Variants in NKX2-5 observed in about 807,000 individuals in gnomAD.
NKX2-5 encodes NK2 homeobox 5.
In NKX2-5, 3 loss-of-function variants were observed where a neutral mutation model predicts 24.5. The observed-to-expected ratio is 0.12, with a 90% CI of 0.06 to 0.32. The LOEUF (loss-of-function observed/expected upper bound fraction) is 0.32, where lower values mean the gene tolerates loss of function less well. NKX2-5 is among the 10% of genes least tolerant of loss of function. The pLI is 1.00. For synonymous variants in NKX2-5, 215 were observed against 217.6 expected, an observed-to-expected ratio of 0.99 and a Z score of 0.11; for missense variants, 429 against 452.4, an observed-to-expected ratio of 0.95 and a Z score of 0.47.
intron 1 of NKX2-5, chr5:173,234,025 G>T: frequency 8.6e-6 from 11 of 1,279,822 alleles, no homozygotes; most frequent in Non-Finnish European, 1.1e-5. Flanking sequence ...TCCTGGGATG[G>T]CCTGCGGGAT....
At chr5:173,233,962 G>A in intron 1 of NKX2-5, 1 of 1,208,918 alleles carries the variant, frequency 8.3e-7, no homozygotes, top group Non-Finnish European at 1.1e-6. Flanking sequence ...GCCTTGGGCT[G>A]GGGGGTCTCC....
In NKX2-5 at chr5:173,234,979, G is replaced by GCA. The variant is rs1409391571; in HGVS notation, c.104_105insTG (p.Arg36AlafsTer141). 6.2e-7 allele frequency: 1 copy of GCA among 1,612,186 alleles called. No homozygotes were observed. On this transcript the variant is annotated frameshift_variant, in exon 1 of 2. Coordinates refer to ENST00000329198, the MANE Select transcript of NKX2-5 (RefSeq NM_004387.4). LOFTEE classifies it high-confidence loss of function. ...AGGGCGCCAGGGTCGCCTCCAGGCGGGCAGAGAGCTCTCCGGCGGCAGCCA... is the reference window on the plus strand; with the variant it reads ...AGGGCGCCAGGGTCGCCTCCAGGCGGCAGCAGAGAGCTCTCCGGCGGCAGCCA...
rs772727682 is a variant in NKX2-5, at chr5:173,235,085, G to A, written c.-2C>T. ...CGTGAGAGCAGGGCTGGGGAACATG[G>A]TGGCAGCGCCAGTCTCACAGCGCCA... On this transcript the variant is annotated 5_prime_UTR_variant, in exon 1 of 2. Coordinates refer to ENST00000329198, the MANE Select transcript of NKX2-5 (RefSeq NM_004387.4). 1.5e-5 allele frequency: 24 copies of A among 1,601,638 alleles called. No homozygotes were observed. Among genetic ancestry groups the A allele is most frequent in the Non-Finnish European group, 2.0e-5 (24 of 1,175,540 alleles).
In NKX2-5 at chr5:173,235,118, G is replaced by A. The variant is rs1478762872; in HGVS notation, c.-35C>T. ...GCCAGTCTCACAGCGCCAGGTGGGC[G>A]GCAGAAAGCGGCGCTGCCCACGGCC... On this transcript the variant is annotated 5_prime_UTR_variant, in exon 1 of 2. Coordinates refer to ENST00000329198, the MANE Select transcript of NKX2-5 (RefSeq NM_004387.4). The A allele has an allele frequency of 5.7e-6, 9 of 1,570,868 alleles. No homozygotes were observed. The highest frequency in any genetic ancestry group is 7.8e-6 in the Non-Finnish European group (9 of 1,160,898).
Position 173,235,193 on chromosome 5 carries a change from CCA to C in NKX2-5, c.-112_-111del. ...CGCCGCCCGCCCGCGCACCCGTCGG[CCA>C]GCTCTGGATGTGTCCGGGCAGCAGG... On this transcript the variant is annotated 5_prime_UTR_variant, in exon 1 of 2. Transcript: ENST00000329198. 1 of 1,135,242 alleles carries C rather than the reference CCA, an allele frequency of 8.8e-7. No individual in the cohort carries two copies. 70.3% of individuals were successfully genotyped at this position (1,135,242 alleles called of 1,614,324 possible). A position where few individuals can be genotyped will look rare whatever the true frequency, so the allele number is the denominator to read the frequency against.
At position 173,232,734 on chromosome 5, in the gene NKX2-5, G is replaced by A; in HGVS notation, c.810C>T (p.Cys270=). Residue 270 remains cysteine, a synonymous_variant, in exon 2 of 2, where the codon TGC becomes TGT. Coordinates refer to ENST00000329198, the MANE Select transcript of NKX2-5 (RefSeq NM_004387.4). This position sits in a 1 kb window ranked among gnomAD's most constrained non-coding sequence, Gnocchi z 5.9. ...GGAACSPGYS[C]TAAYPAGPSP... is the part of the protein sequence containing the mutation. ...AAGGCCCGGCGGGGTAAGCGGCAGT[G>A]CAGCTGTAGCCAGGGCTGCAGGCCG... The A allele has an allele frequency of 6.2e-7, 1 of 1,606,506 alleles. No individual in the cohort carries two copies. Among genetic ancestry groups the A allele is most frequent in the South Asian group, 1.1e-5 (1 of 90,736 alleles).
chr5:173,233,967 G>C, intron 1 of NKX2-5: 1 of 1,214,220 alleles, frequency 8.2e-7, no homozygotes, highest in Non-Finnish European at 1.0e-6. Flanking sequence ...GGGCTGGGGG[G>C]TCTCCCAGAA....
intron 1 of NKX2-5, 64 bp from the exon 2 acceptor site, chr5:173,233,273 C>A (rs931435740): frequency 1.3e-5 from 20 of 1,563,886 alleles, no homozygotes; most frequent in Non-Finnish European, 1.7e-5. Context: ...GGAGCGCGGC[C>A]GCACAGTAAT....
At chr5:173,234,242 A>G in intron 1 of NKX2-5, 1 of 1,214,888 alleles carries the variant, frequency 8.2e-7, no homozygotes, top group Non-Finnish European at 1.0e-6. Context: ...GCAAAGAAAG[A>G]AAGGCACCAG....
Position 173,232,603 on chromosome 5 carries a change from C to T in NKX2-5, c.941G>A (p.Gly314Glu), listed in dbSNP as rs200152391. ...QSPGIPQSNSGVSTLHGIRAW is the reference protein window; with the variant it reads ...QSPGIPQSNSEVSTLHGIRAW Reference sequence around the variant, plus strand: ...TCGGATACCATGCAGCGTGGACACTCCCGAGTTGCTCTGCGGAATCCCGGG... The same window carrying T: ...TCGGATACCATGCAGCGTGGACACTTCCGAGTTGCTCTGCGGAATCCCGGG... Residue 314 changes from glycine to glutamate, a missense_variant, in exon 2 of 2, where the codon GGA becomes GAA. Gly to Glu is a moderately conservative substitution (Grantham distance 98, BLOSUM62 -2). Around this residue, in one of 3 missense-constraint regions of NKX2-5, gnomAD observed 183 missense variants for 185.9 expected, o/e 0.98. Transcript: ENST00000329198. This position sits in a 1 kb window ranked among gnomAD's most constrained non-coding sequence, Gnocchi z 5.9. The T allele has an allele frequency of 3.1e-6, 5 of 1,612,602 alleles. No homozygotes were observed. The highest frequency in any genetic ancestry group is 2.2e-5 in the East Asian group (1 of 44,880).
chr5:173,233,127 C>T lies in NKX2-5; in HGVS notation c.417G>A (p.Arg139=), dbSNP rs1451105190. 6.2e-7 allele frequency: 1 copy of T among 1,600,800 alleles called. No individual in the cohort carries two copies. Among genetic ancestry groups the T allele is most frequent in the Non-Finnish European group, 8.5e-7 (1 of 1,175,108 alleles). ...NAERPRARRR[R]KPRVLFSQAQ... is the part of the protein sequence containing the mutation. ...CCTGCGAGAAGAGCACGCGCGGCTT[C>T]CTCCGCCGTCGCGCCCGGGGCCGCT... Residue 139 remains arginine, a synonymous_variant, in exon 2 of 2, where the codon AGG becomes AGA. Transcript: ENST00000329198.
intron 1 of NKX2-5, 86 bp downstream of exon 1, chr5:173,234,664 G>A: frequency 8.2e-7 from 1 of 1,218,592 alleles, no homozygotes; most frequent in Admixed American, 3.2e-5. Context: ...CGGCCCAAGG[G>A]CGCGTGTCTC....
rs1346407541 is a variant in NKX2-5 at position 173,234,115 on chromosome 5, C to A, written c.334+635G>T. The A allele has an allele frequency of 4.7e-6, 6 of 1,289,334 alleles. No individual in the cohort carries two copies. The South Asian group carries it at 6.2e-5, about 13-fold the overall frequency. The allele number at this position is 1,289,334 out of a possible 1,614,324, so 79.9% of individuals were successfully genotyped here. ...TAACTTTTCCACGAGGGAACCTCTC[C>A]GCCCTGGCCGCGCCGGCAAGTTGTG... On this transcript the variant is annotated intron_variant, in intron 1 of 1. Coordinates refer to ENST00000329198, the MANE Select transcript of NKX2-5 (RefSeq NM_004387.4).
At chr5:173,233,437 G>T in intron 1 of NKX2-5, 2 of 1,534,982 alleles carry the variant, frequency 1.3e-6, no homozygotes, top group South Asian at 2.4e-5. Context: ...CAAAACGGGA[G>T]GTCTCTGCCC....
rs550046293 is a variant in NKX2-5, at chr5:173,234,786, G to T, written c.298C>A (p.Pro100Thr). Residue 100 changes from proline to threonine, a missense_variant, in exon 1 of 2, where the codon CCC (proline) becomes ACC (threonine). Coordinates refer to ENST00000329198, the MANE Select transcript of NKX2-5 (RefSeq NM_004387.4). ...PAFYPRAYSD[P>T]DPAKDPRAEK... is the part of the protein sequence containing the mutation. ...GCTCTAGGGTCCTTGGCTGGGTCGGGGTCGCTGTAGGCACGTGGATAGAAG... is the reference window on the plus strand; with the variant it reads ...GCTCTAGGGTCCTTGGCTGGGTCGGTGTCGCTGTAGGCACGTGGATAGAAG... 12 of 1,570,500 alleles carry T rather than the reference G, an allele frequency of 7.6e-6. No individual in the cohort carries two copies. The highest frequency in any genetic ancestry group is 5.9e-5 in the South Asian group (5 of 84,464).
Position 173,235,188 on chromosome 5 carries a change from G to T in NKX2-5, c.-105C>A. 8.6e-7 allele frequency: 1 copy of T among 1,168,820 alleles called. No individual in the cohort carries two copies. Among genetic ancestry groups the T allele is most frequent in the Non-Finnish European group, 1.2e-6 (1 of 838,430 alleles). 72.4% of individuals were successfully genotyped at this position (1,168,820 alleles called of 1,614,324 possible). A position where few individuals can be genotyped will look rare whatever the true frequency, so the allele number is the denominator to read the frequency against. On this transcript the variant is annotated 5_prime_UTR_variant, in exon 1 of 2. Coordinates refer to ENST00000329198, the MANE Select transcript of NKX2-5 (RefSeq NM_004387.4). ...GGTGCCGCCGCCCGCCCGCGCACCC[G>T]TCGGCCAGCTCTGGATGTGTCCGGG...
In NKX2-5 at chr5:173,232,647, G is replaced by A. The variant is rs1060504828; in HGVS notation, c.897C>T (p.Asp299=). The A allele has an allele frequency of 3.1e-6, 5 of 1,613,204 alleles. No homozygotes were observed. The highest frequency in any genetic ancestry group is 4.2e-6 in the Non-Finnish European group (5 of 1,179,564). The change falls in exon 2 of 2, where the codon GAC becomes GAT. Residue 299 remains aspartate (D), a synonymous_variant. Coordinates refer to ENST00000329198, the MANE Select transcript of NKX2-5 (RefSeq NM_004387.4). The surrounding 1 kb of genome is among the most constrained non-coding windows in gnomAD (Gnocchi z 5.9). ...NNNFVNFGVG[D]LNAVQSPGIP... Reference sequence around the variant, plus strand: ...TCCCGGGGCTCTGAACCGCATTCAAGTCCCCGACGCCGAAGTTCACGAAGT... The same window carrying A: ...TCCCGGGGCTCTGAACCGCATTCAAATCCCCGACGCCGAAGTTCACGAAGT...
At chr5:173,234,283 A>T in intron 1 of NKX2-5, 1 of 1,202,496 alleles carries the variant, frequency 8.3e-7, no homozygotes, top group Non-Finnish European at 1.1e-6. Flanking sequence ...CTGCAGAAAG[A>T]AGGTCCAGGA....
In NKX2-5 at chr5:173,234,973, C is replaced by T. The variant is rs746594822; in HGVS notation, c.111G>A (p.Leu37=). ...LAAAGELSAR[L]EATLAPSSCM... ...AGGAGGAGGGCGCCAGGGTCGCCTC[C>T]AGGCGGGCAGAGAGCTCTCCGGCGG... Residue 37 remains leucine, a synonymous_variant, in exon 1 of 2, where the codon CTG becomes CTA. Coordinates refer to ENST00000329198, the MANE Select transcript of NKX2-5 (RefSeq NM_004387.4). 7.0e-5 allele frequency: 113 copies of T among 1,612,008 alleles called. No homozygotes were observed. The highest frequency in any genetic ancestry group is 9.4e-5 in the Non-Finnish European group (111 of 1,179,580).
Sources: gnomAD v4.1 joint callset for allele counts on GRCh38, gnomAD v4.1.1 for gene constraint, gnomAD v4.1.1 regional missense constraint, Gnocchi (gnomAD v3.1) non-coding constraint, MANE v1.5 for transcripts, NCBI Gene and HGNC (gene_info 2026-07-23, HGNC 2026-07-21) for gene names.